The following TMEM132B variants were observed in gnomAD, a reference collection of about 807,000 sequenced individuals.
TMEM132B encodes transmembrane protein 132B.
TMEM132B carries 18 observed loss-of-function variants against 90.8 expected under a neutral mutation model. That is an observed-to-expected ratio of 0.20 (90% confidence interval 0.14 to 0.29). The LOEUF is 0.29. Among genes scored for constraint, TMEM132B ranks in the 10% least tolerant of loss-of-function variants. The pLI is 1.00. For synonymous variants in TMEM132B, 504 were observed against 523.3 expected (o/e 0.96, Z 0.50); for missense variants, 1,096 against 1,326.8 (o/e 0.83, Z 2.70).
At chr12:125,419,502 A>G (rs900966831) in intron 3 of TMEM132B, among the ~76,000 whole-genome samples, 1 of 152,222 alleles carries the variant, frequency 6.6e-6, no homozygotes, top group Non-Finnish European at 1.5e-5. Flanking sequence ...TATCACAAGA[A>G]TAGCATGAGA....
chr12:125,404,396 C>A (rs1166359943), intron 2 of TMEM132B, among the ~76,000 whole-genome samples: 1 of 152,106 alleles, frequency 6.6e-6, no homozygotes, highest in Admixed American at 6.5e-5. Context: ...ATCAGGAAAT[C>A]ATATCTGGAG....
At chr12:125,253,766 C>G (rs1874368884) in intron 1 of TMEM132B, among the ~76,000 whole-genome samples, 2 of 152,120 alleles carry the variant, frequency 1.3e-5, no homozygotes, top group Non-Finnish European at 1.5e-5. Flanking sequence ...ATAATAACCC[C>G]ATGAGGCTGT....
intron 1 of TMEM132B, among the ~76,000 whole-genome samples, chr12:125,215,415 G>A (rs903336331): frequency 6.6e-6 from 1 of 152,150 alleles, no homozygotes; most frequent in African/African-American, 2.4e-5. Context: ...CTTCTAGTGG[G>A]TACCTGCATT....
intron 1 of TMEM132B, among the ~76,000 whole-genome samples, chr12:125,237,943 G>A (rs1283176220): frequency 6.6e-6 from 1 of 152,158 alleles, no homozygotes; most frequent in Non-Finnish European, 1.5e-5. Context: ...CCTTAGAGGG[G>A]CCATGACTTC....
chr12:125,188,861 A>AAAAG (rs567743420), intron 1 of TMEM132B, among the ~76,000 whole-genome samples: 5,089 of 144,838 alleles, frequency 0.035, 185 homozygotes, highest in Non-Finnish European at 0.056. Context: ...GCAAAAAAAA[A>AAAAG]AAAAAAAAAA....
chr12:125,378,135 T>G (rs1353120599), intron 2 of TMEM132B, among the ~76,000 whole-genome samples: 1 of 152,078 alleles, frequency 6.6e-6, no homozygotes, highest in Non-Finnish European at 1.5e-5. Context: ...GCCGCCCAGC[T>G]GGGAGGGATG....
chr12:125,336,458 C>A (rs1470736217), intron 1 of TMEM132B, among the ~76,000 whole-genome samples: 1 of 152,190 alleles, frequency 6.6e-6, no homozygotes, highest in Admixed American at 6.5e-5. Context: ...AGACCTGAAG[C>A]CAGCCTATGC....
intron 1 of TMEM132B, among the ~76,000 whole-genome samples, chr12:125,237,927 C>T (rs1873972702): frequency 6.6e-6 from 1 of 152,164 alleles, no homozygotes; most frequent in Non-Finnish European, 1.5e-5. Flanking sequence ...GCCTCCTCCG[C>T]TGGTTCCTTA....
intron 1 of TMEM132B, among the ~76,000 whole-genome samples, chr12:125,238,062 C>G (rs545177048): frequency 1.3e-5 from 2 of 152,338 alleles, no homozygotes; most frequent in South Asian, 4.1e-4. Context: ...ATTTATTTTT[C>G]TAAACCAGAC....
chr12:125,586,087 T>C (rs1285074619), intron 5 of TMEM132B: 1 of 152,194 alleles, frequency 6.6e-6, no homozygotes, highest in Non-Finnish European at 1.5e-5. Flanking sequence ...CATCCTCAAA[T>C]ACATGGCACA....
Position 125,490,712 on chromosome 12 carries a change from C to T in TMEM132B, c.1107-28727C>T, listed in dbSNP as rs535073410. Among the ~76,000 whole-genome samples, 45 of 152,244 alleles carry T rather than the reference C, an allele frequency of 3.0e-4. No individual in the cohort carries two copies. Among genetic ancestry groups the T allele is most frequent in the South Asian group, 1.9e-3 (9 of 4,818 alleles). On this transcript the variant is annotated intron_variant, in intron 3 of 8. Coordinates refer to ENST00000682704, the MANE Select transcript of TMEM132B (RefSeq NM_001366854.1). This position sits in a 1 kb window ranked among gnomAD's most constrained non-coding sequence, Gnocchi z 4.2. Reference sequence around the variant, plus strand: ...CGATCTCCTGACCTCGTGATCCGCCCGTCTTGGCCTCCCAAAGTGCTGGGA... The same window carrying T: ...CGATCTCCTGACCTCGTGATCCGCCTGTCTTGGCCTCCCAAAGTGCTGGGA...
rs576833026 is a variant in TMEM132B at position 125,392,390 on chromosome 12, C to T, written c.960-23141C>T. Reference sequence around the variant, plus strand: ...GCTGTGTCATGGAAATACATTCACTCGCTTAATGCTCAAGGCTGCCATCCA... The same window carrying T: ...GCTGTGTCATGGAAATACATTCACTTGCTTAATGCTCAAGGCTGCCATCCA... On this transcript the variant is annotated intron_variant, in intron 2 of 8. Coordinates refer to ENST00000682704, the MANE Select transcript of TMEM132B (RefSeq NM_001366854.1). Among the ~76,000 whole-genome samples, 11 of 152,284 alleles carry T rather than the reference C, an allele frequency of 7.2e-5. No homozygotes were observed. In the South Asian group the frequency reaches 1.7e-3, roughly 23 times the overall value.
intron 5 of TMEM132B, among the ~76,000 whole-genome samples, chr12:125,607,619 T>G (rs935047498): frequency 6.6e-6 from 1 of 152,204 alleles, no homozygotes; most frequent in African/African-American, 2.4e-5. Flanking sequence ...AATTAGCATA[T>G]AAAATATGGA....
intron 1 of TMEM132B, among the ~76,000 whole-genome samples, chr12:125,250,535 C>T (rs1874295008): frequency 6.6e-6 from 1 of 152,208 alleles, no homozygotes; most frequent in East Asian, 1.9e-4. Flanking sequence ...GCGCAGTCTC[C>T]AGCATGGAAA....
At chr12:125,632,809 T>C (rs1886397750) in intron 5 of TMEM132B, among the ~76,000 whole-genome samples, 1 of 152,182 alleles carries the variant, frequency 6.6e-6, no homozygotes, top group Non-Finnish European at 1.5e-5. Context: ...TTTCTCTTGC[T>C]ATTTTTAGGA....
At chr12:125,588,426 C>G (rs912858814) in intron 5 of TMEM132B, 2 of 152,266 alleles carry the variant, frequency 1.3e-5, no homozygotes, top group Admixed American at 6.5e-5. Context: ...ACCTCCCAGG[C>G]TCAAGTGATC....
intron 1 of TMEM132B, among the ~76,000 whole-genome samples, chr12:125,314,983 G>C (rs1445381863): frequency 6.6e-6 from 1 of 152,190 alleles, no homozygotes; most frequent in African/African-American, 2.4e-5. Flanking sequence ...CTGGTTAACT[G>C]TCCAGGTTTA....
At chr12:125,480,626 C>T (rs942813192) in intron 3 of TMEM132B, among the ~76,000 whole-genome samples, 8 of 152,088 alleles carry the variant, frequency 5.3e-5, no homozygotes, top group Non-Finnish European at 1.2e-4. Context: ...AATAGCCTAC[C>T]AACCACAAAA....
intron 3 of TMEM132B, among the ~76,000 whole-genome samples, chr12:125,509,314 C>G (rs1406330384): frequency 1.3e-5 from 2 of 152,178 alleles, no homozygotes; most frequent in African/African-American, 2.4e-5. Flanking sequence ...TCCTGGCGCT[C>G]TAGTTATGGG....
Sources: gnomAD v4.1 joint callset for allele counts (sites outside exome capture counted in the v4.1 genomes callset) on GRCh38, gnomAD v4.1.1 for gene constraint, Gnocchi (gnomAD v3.1) non-coding constraint, MANE v1.5 for transcripts, NCBI Gene and HGNC (gene_info 2026-07-23, HGNC 2026-07-21) for gene names.